MANBA: variants seen among roughly 807,000 people sequenced by gnomAD.
The protein encoded by MANBA is mannosidase beta.
In MANBA, 83 loss-of-function variants were observed where a neutral mutation model predicts 111.1. The observed-to-expected ratio is 0.75, with a 90% CI of 0.63 to 0.90. The LOEUF is 0.90. MANBA is among the 40% of genes least tolerant of loss of function. The pLI is 0.00. For missense variants in MANBA, 1,036 were observed against 1,069.0 expected, an observed-to-expected ratio of 0.97 and a Z score of 0.43; for synonymous variants, 370 against 378.7, an observed-to-expected ratio of 0.98 and a Z score of 0.27.
intron 9 of MANBA, among the ~76,000 whole-genome samples, chr4:102,670,536 T>C (rs1392770057): frequency 6.6e-6 from 1 of 152,078 alleles, no homozygotes; most frequent in East Asian, 1.9e-4. Flanking sequence ...GCAAAACACA[T>C]TAAAAGTACT....
chr4:102,659,531 T>A (rs1344474074), intron 11 of MANBA, among the ~76,000 whole-genome samples: 2 of 152,174 alleles, frequency 1.3e-5, no homozygotes, highest in Admixed American at 6.5e-5. Context: ...CAACAAACTA[T>A]CTTCCACTCC....
intron 5 of MANBA, among the ~76,000 whole-genome samples, chr4:102,691,404 A>C (rs1206412369): frequency 6.6e-6 from 1 of 152,126 alleles, no homozygotes; most frequent in Non-Finnish European, 1.5e-5. Flanking sequence ...AAAGCATAAT[A>C]ATATCAGGAC....
intron 7 of MANBA, among the ~76,000 whole-genome samples, chr4:102,688,081 A>T (rs1275488816): frequency 2.0e-5 from 3 of 152,198 alleles, no homozygotes; most frequent in Non-Finnish European, 2.9e-5. Context: ...TTCCCTTAGA[A>T]AAAGACAGAA....
intron 1 of MANBA, among the ~76,000 whole-genome samples, chr4:102,744,361 C>T (rs1723514759): frequency 6.6e-6 from 1 of 152,176 alleles, no homozygotes; most frequent in Middle Eastern, 3.2e-3. Context: ...CTCACTGGAT[C>T]CAATCAGCAT....
Position 102,696,545 on chromosome 4 carries a change from A to G in MANBA, c.674-5774T>C, listed in dbSNP as rs144908579. On this transcript the variant is annotated intron_variant, in intron 5 of 16. Transcript: ENST00000647097. ...AAAATATACCCAAGTGTCGCAGTTAAGAATACAGGATGGCATCAGGAACCA... is the reference window on the plus strand; with the variant it reads ...AAAATATACCCAAGTGTCGCAGTTAGGAATACAGGATGGCATCAGGAACCA... 5.1e-3 allele frequency among the ~76,000 whole-genome samples: 784 copies of G among 152,334 alleles called. 13 individuals carry two copies. The highest frequency in any genetic ancestry group is 0.017 in the African/African-American group (727 of 41,568).
At chr4:102,652,821 C>T (rs776435537) in intron 12 of MANBA, among the ~76,000 whole-genome samples, 3 of 152,044 alleles carry the variant, frequency 2.0e-5, no homozygotes, top group East Asian at 1.9e-4. Context: ...CTTGAGCCCA[C>T]GAGTTTGAGG....
chr4:102,719,663 A>C (rs1722487526), intron 4 of MANBA, among the ~76,000 whole-genome samples: 9 of 152,244 alleles, frequency 5.9e-5, no homozygotes, highest in Admixed American at 5.9e-4. Context: ...ATGGTTGTAT[A>C]GCACTTTACA....
chr4:102,726,100 CA>C (rs11438231), intron 2 of MANBA, among the ~76,000 whole-genome samples: 82 of 137,248 alleles, frequency 6.0e-4, no homozygotes, highest in East Asian at 1.1e-3. Context: ...AAATAATTAC[CA>C]AAAAAAAAAA....
chr4:102,726,855 G>C (rs143800107), intron 1 of MANBA, among the ~76,000 whole-genome samples, 172 bp from the exon 2 acceptor site: 17 of 152,220 alleles, frequency 1.1e-4, no homozygotes, highest in South Asian at 8.3e-4. Context: ...AAATGTGAAG[G>C]GAAAATTCCA....
At chr4:102,684,988 A>G (rs58463759) in intron 7 of MANBA, among the ~76,000 whole-genome samples, 6,688 of 152,286 alleles carry the variant, frequency 0.044, 480 homozygotes, top group African/African-American at 0.15. Context: ...CTGTACCTAA[A>G]TGTCAAAAAC....
At chr4:102,639,369 AT>A (rs1246184805) in intron 14 of MANBA, among the ~76,000 whole-genome samples, 2 of 152,210 alleles carry the variant, frequency 1.3e-5, no homozygotes, top group Non-Finnish European at 2.9e-5. Context: ...GCTTAAGTTC[AT>A]GCTTCTTTAG....
At chr4:102,755,090 T>G (rs1478145738) in intron 1 of MANBA, among the ~76,000 whole-genome samples, 1 of 152,162 alleles carries the variant, frequency 6.6e-6, no homozygotes, top group East Asian at 1.9e-4. Flanking sequence ...AAGCTACCAA[T>G]GACTTTCTTC....
Position 102,689,487 on chromosome 4 carries a change from G to A in MANBA, c.960+87C>T, listed in dbSNP as rs956297234. ...TGGGTGGGGACACAAGAGTTTTGAC[G>A]GTTTCTTCTTTTCCCATGAAGATCT... On this transcript the variant is annotated intron_variant, in intron 7 of 16. Coordinates refer to ENST00000647097, the MANE Select transcript of MANBA (RefSeq NM_005908.4). 41 of 843,884 alleles carry A rather than the reference G, an allele frequency of 4.9e-5. 1 individual carries two copies. Among genetic ancestry groups the A allele is most frequent in the African/African-American group, 1.0e-4 (6 of 57,466 alleles). The allele number at this position is 843,884 out of a possible 1,614,324, so 52.3% of individuals were successfully genotyped here.
intron 7 of MANBA, among the ~76,000 whole-genome samples, chr4:102,684,097 AT>A (rs560589330): frequency 1.5e-3 from 232 of 151,424 alleles, no homozygotes; most frequent in Non-Finnish European, 2.9e-3. Flanking sequence ...CTGTCTCCTG[AT>A]ATACTCAGTT....
chr4:102,717,296 C>A (rs1704619159), intron 4 of MANBA, among the ~76,000 whole-genome samples: 1 of 144,682 alleles, frequency 6.9e-6, no homozygotes, highest in Admixed American at 7.0e-5. Context: ...ATGAGTTTTA[C>A]AATGGAAATA....
chr4:102,711,028 C>T (rs547512242), intron 5 of MANBA, among the ~76,000 whole-genome samples: 6 of 152,034 alleles, frequency 3.9e-5, no homozygotes, highest in African/African-American at 1.4e-4. Flanking sequence ...AGAAAACATA[C>T]GAGAAGCATT....
intron 5 of MANBA, among the ~76,000 whole-genome samples, chr4:102,712,524 C>CTT (rs34353180): frequency 0.34 from 48,799 of 144,702 alleles, 8,236 homozygotes; most frequent in Middle Eastern, 0.38. Context: ...AATCGGACCA[C>CTT]TTTTTTTTTT....
intron 1 of MANBA, among the ~76,000 whole-genome samples, chr4:102,742,735 G>A (rs562737449): frequency 1.4e-4 from 22 of 152,310 alleles, no homozygotes; most frequent in African/African-American, 4.3e-4. Context: ...GAAGCATTGC[G>A]TGCAGGATAG....
chr4:102,729,302 T>A (rs1722934252), intron 1 of MANBA: 1 of 754,502 alleles, frequency 1.3e-6, no homozygotes, highest in Admixed American at 1.7e-5. Context: ...CCAGCCAGCA[T>A]CTGCAGCTCC....
Sources: gnomAD v4.1 joint callset for allele counts (sites outside exome capture counted in the v4.1 genomes callset) on GRCh38, gnomAD v4.1.1 for gene constraint, MANE v1.5 for transcripts, NCBI Gene and HGNC (gene_info 2026-07-23, HGNC 2026-07-21) for gene names.